WDR31: variants seen among roughly 807,000 people sequenced by gnomAD.
The protein encoded by WDR31 is WD repeat-containing protein 31.
WDR31 carries 30 observed loss-of-function variants against 47.3 expected under a neutral mutation model. The ratio of observed to expected loss-of-function variants is 0.63; its 90% CI spans 0.47 to 0.86. The LOEUF (loss-of-function observed/expected upper bound fraction) is 0.86, where lower values mean the gene tolerates loss of function less well. Among genes scored for constraint, WDR31 ranks in the 40% least tolerant of loss-of-function variants. The probability of loss-of-function intolerance (pLI) is 0.00; values close to 1 mark genes in which losing one functional copy is unlikely to be tolerated. For missense variants in WDR31, 406 were observed against 442.9 expected, an observed-to-expected ratio of 0.92 and a Z score of 0.75; for synonymous variants, 137 against 159.4, an observed-to-expected ratio of 0.86 and a Z score of 1.06.
intron 8 of WDR31, 40 bp downstream of exon 8, chr9:113,321,471 C>T (rs373974807): frequency 8.1e-6 from 13 of 1,604,180 alleles, no homozygotes; most frequent in Non-Finnish European, 1.1e-5. Flanking sequence ...GAGCCACAAA[C>T]CTCACAAGAA....
chr9:113,334,012 CCTT>C (rs1172284717), intron 2 of WDR31, among the ~76,000 whole-genome samples: 1 of 151,360 alleles, frequency 6.6e-6, no homozygotes, highest in African/African-American at 2.4e-5. Flanking sequence ...TTCTCCTTCT[CCTT>C]TCTTTTTTTT....
intron 5 of WDR31, among the ~76,000 whole-genome samples, chr9:113,326,380 C>T (rs1564305013): frequency 1.3e-5 from 2 of 151,668 alleles, no homozygotes; most frequent in African/African-American, 4.9e-5. Flanking sequence ...TTCTTTCTTT[C>T]TCTTTCTTTT....
At position 113,315,571 on chromosome 9, in the gene WDR31, AG is replaced by A. The variant is rs1437975612; in HGVS notation, c.*1177del. 1 of 152,204 alleles carries A rather than the reference AG, an allele frequency of 6.6e-6. No individual in the cohort carries two copies. Among genetic ancestry groups the A allele is most frequent in the Non-Finnish European group, 1.5e-5 (1 of 68,072 alleles). The allele number at this position is 152,204 out of a possible 1,614,324, so 9.4% of individuals were successfully genotyped here. ...GAGGTCTGACTCCTGGGGGCCACAC[AG>A]GCAGGCCTGAGCACCTTGCCCCTCC... On this transcript the variant is annotated 3_prime_UTR_variant, in exon 11 of 11. Coordinates refer to ENST00000374193, the MANE Select transcript of WDR31 (RefSeq NM_001012361.4).
In WDR31 at chr9:113,335,724, G is replaced by A. The variant is rs76697777; in HGVS notation, c.-29+564C>T. Reference sequence around the variant, plus strand: ...GGAAACAATGTGAGTGGCATCAAGAGGCCTAGGATCTACCCCAGCCCTGCC... The same window carrying A: ...GGAAACAATGTGAGTGGCATCAAGAAGCCTAGGATCTACCCCAGCCCTGCC... On this transcript the variant is annotated intron_variant, in intron 2 of 10. Coordinates refer to ENST00000374193, the MANE Select transcript of WDR31 (RefSeq NM_001012361.4). Among the ~76,000 whole-genome samples the A allele has an allele frequency of 5.9e-3, 896 of 152,258 alleles. 8 individuals carry two copies. Among genetic ancestry groups the A allele is most frequent in the African/African-American group, 0.021 (851 of 41,512 alleles).
chr9:113,330,935 C>G, intron 4 of WDR31, 49 bp downstream of exon 4: 1 of 1,546,302 alleles, frequency 6.5e-7, no homozygotes, highest in South Asian at 1.2e-5. Flanking sequence ...AAAATATCTT[C>G]CTTTCCCTGC....
intron 7 of WDR31, 103 bp downstream of exon 7, chr9:113,322,708 G>C (rs1021166706): frequency 2.5e-5 from 29 of 1,157,716 alleles, no homozygotes; most frequent in Non-Finnish European, 3.3e-5. Context: ...TGGGACCCAG[G>C]CTCTAATTTC....
chr9:113,318,679 A>G, intron 9 of WDR31, 42 bp from the exon 10 acceptor site: 1 of 1,605,300 alleles, frequency 6.2e-7, no homozygotes. Flanking sequence ...TCACTTGTCT[A>G]GCTTCATCCA....
intron 2 of WDR31, among the ~76,000 whole-genome samples, chr9:113,332,986 C>T (rs966259772): frequency 6.6e-6 from 1 of 152,216 alleles, no homozygotes; most frequent in Non-Finnish European, 1.5e-5. Flanking sequence ...ACGGTGGAAG[C>T]TTCCTGAGCC....
At chr9:113,332,533 G>A (rs2118845568) in intron 2 of WDR31, among the ~76,000 whole-genome samples, 1 of 152,252 alleles carries the variant, frequency 6.6e-6, no homozygotes, top group Admixed American at 6.5e-5. Context: ...CTAAGCAAAA[G>A]AAGCCAGACA....
chr9:113,333,216 T>G (rs1415086365), intron 2 of WDR31, among the ~76,000 whole-genome samples: 4 of 151,544 alleles, frequency 2.6e-5, no homozygotes, highest in Admixed American at 1.3e-4. Context: ...TAAATGTCAC[T>G]AATCATAAAT....
At position 113,321,500 on chromosome 9, in the gene WDR31, A is replaced by G. The variant is rs376670847; in HGVS notation, c.638+11T>C. ...ACAAGAAACACTTTCACAGCTGCTC[A>G]GTAAGCCCACCTGAGGGTTTTATCT... is the stretch of plus-strand genomic sequence containing the variant. On this transcript the variant is annotated intron_variant, in intron 8 of 10. Coordinates refer to ENST00000374193, the MANE Select transcript of WDR31 (RefSeq NM_001012361.4). The G allele has an allele frequency of 3.1e-5, 50 of 1,613,860 alleles. No homozygotes were observed. The African/African-American group carries it at 6.1e-4, about 20-fold the overall frequency.
chr9:113,332,576 C>T (rs772642326), intron 2 of WDR31, among the ~76,000 whole-genome samples: 12 of 152,196 alleles, frequency 7.9e-5, no homozygotes, highest in East Asian at 3.9e-4. Flanking sequence ...TCTATGTATG[C>T]GAAATATCCA....
At chr9:113,334,703 C>CTTTTTTTTTTTTTT (rs71367719) in intron 2 of WDR31, among the ~76,000 whole-genome samples, 48 of 63,042 alleles carry the variant, frequency 7.6e-4, no homozygotes, top group Middle Eastern at 0.015. Context: ...CTACATCAGG[C>CTTTTTTTTTTTTTT]TTTTTTTTTT....
chr9:113,317,784 G>A (rs1463634566), intron 10 of WDR31, among the ~76,000 whole-genome samples: 2 of 152,242 alleles, frequency 1.3e-5, no homozygotes, highest in Non-Finnish European at 2.9e-5. Flanking sequence ...ATAGATGGAG[G>A]CAGTGGGGTG....
rs1259455124 is a variant in WDR31, at chr9:113,328,972, T to C, written c.250-17A>G. ...CACAACTGTCTGAAGAGAGTGAAGATTGTAGTTTCATTACTCAATTCTTGT... is the reference window on the plus strand; with the variant it reads ...CACAACTGTCTGAAGAGAGTGAAGACTGTAGTTTCATTACTCAATTCTTGT... On this transcript the variant is annotated splice_polypyrimidine_tract_variant and intron_variant, in intron 4 of 10. Coordinates refer to ENST00000374193, the MANE Select transcript of WDR31 (RefSeq NM_001012361.4). 5 of 1,607,950 alleles carry C rather than the reference T, an allele frequency of 3.1e-6. No homozygotes were observed. The highest frequency in any genetic ancestry group is 1.3e-5 in the African/African-American group (1 of 74,604).
rs12352223 is a variant in WDR31 at position 113,324,826 on chromosome 9, A to G, written c.325-1671T>C. Among the ~76,000 whole-genome samples, 479 of 109,318 alleles carry G rather than the reference A, an allele frequency of 4.4e-3. 4 individuals carry two copies. The highest frequency in any genetic ancestry group is 0.018 in the African/African-American group (450 of 25,184). The allele number at this position is 109,318 out of a possible 152,430, so 71.7% of individuals were successfully genotyped here. On this transcript the variant is annotated intron_variant, in intron 5 of 10. Transcript: ENST00000374193. ...TTATAAACAATGCTGCTATATATAT[A>G]TATGTGTGTGTGTGTGTGTGTGTGT...
rs201102397 is a variant in WDR31, at chr9:113,331,899, T to C, written c.116+8A>G. On this transcript the variant is annotated splice_region_variant and intron_variant, in intron 3 of 10. Transcript: ENST00000374193. ...AAAACCTGGGCTCCCAGGGGAGGATTGCAGTACCCGTATTTATAAGTGCTG... is the reference window on the plus strand; with the variant it reads ...AAAACCTGGGCTCCCAGGGGAGGATCGCAGTACCCGTATTTATAAGTGCTG... 1.4e-4 allele frequency: 227 copies of C among 1,612,666 alleles called. No homozygotes were observed. Among genetic ancestry groups the C allele is most frequent in the Admixed American group, 1.3e-3 (75 of 59,986 alleles).
At chr9:113,321,829 G>A (rs548615460) in intron 7 of WDR31, among the ~76,000 whole-genome samples, 1 of 152,306 alleles carries the variant, frequency 6.6e-6, no homozygotes, top group East Asian at 1.9e-4. Context: ...CCCTAAGAGT[G>A]CCTGAAACCC....
chr9:113,322,558 A>G (rs1290086432), intron 7 of WDR31, among the ~76,000 whole-genome samples: 1 of 152,204 alleles, frequency 6.6e-6, no homozygotes, highest in Non-Finnish European at 1.5e-5. Flanking sequence ...AAACAGAATA[A>G]TGAAAGAAAT....
Sources: allele counts gnomAD v4.1 joint callset (sites outside exome capture counted in the v4.1 genomes callset), GRCh38; gene constraint gnomAD v4.1.1; transcripts MANE v1.5; gene names NCBI Gene and HGNC (gene_info 2026-07-23, HGNC 2026-07-21).